ZSCAN20: variants seen among roughly 807,000 people sequenced by gnomAD.
ZSCAN20 encodes zinc finger and SCAN domain containing 20.
ZSCAN20 carries 39 observed loss-of-function variants against 97.1 expected under a neutral mutation model. The ratio of observed to expected loss-of-function variants is 0.40; its 90% CI spans 0.31 to 0.52. ZSCAN20 has a LOEUF of 0.52. Among genes scored for constraint, ZSCAN20 ranks in the 20% least tolerant of loss-of-function variants. The pLI is 0.49. For missense variants in ZSCAN20, 1,115 were observed against 1,290.4 expected (o/e 0.86, Z 2.08); for synonymous variants, 456 against 467.3 (o/e 0.98, Z 0.31).
rs766608700 is a variant in ZSCAN20 at position 33,488,703 on chromosome 1, A to T, written c.604+52A>T. ...ATGAGGCCTTCTGCAGGGGAGAGGG[A>T]TGGGAGGTGAGGAAGGGTGCATGGG... On this transcript the variant is annotated intron_variant, in intron 3 of 7. Coordinates refer to ENST00000684572, the MANE Select transcript of ZSCAN20 (RefSeq NM_001377376.1). The T allele has an allele frequency of 1.3e-5, 20 of 1,568,212 alleles. No homozygotes were observed. In the South Asian group the frequency reaches 2.0e-4, roughly 16 times the overall value.
intron 1 of ZSCAN20, among the ~76,000 whole-genome samples, chr1:33,474,296 G>T (rs926131387): frequency 1.3e-5 from 2 of 152,224 alleles, no homozygotes; most frequent in Non-Finnish European, 2.9e-5. Flanking sequence ...AGGTCAGACT[G>T]CTTTAAGCCA....
Position 33,498,507 on chromosome 1 carries a change from G to A in ZSCAN20, c.*3031G>A, listed in dbSNP as rs1652952057. On this transcript the variant is annotated 3_prime_UTR_variant, in exon 8 of 8. Coordinates refer to ENST00000684572, the MANE Select transcript of ZSCAN20 (RefSeq NM_001377376.1). ...TTCCAGGCTTGCTGTCTACCCAAGAGCTTGCTGGGCACCCAGGCGCCCTCC... is the reference window on the plus strand; with the variant it reads ...TTCCAGGCTTGCTGTCTACCCAAGAACTTGCTGGGCACCCAGGCGCCCTCC... 6.6e-6 allele frequency among the ~76,000 whole-genome samples: 1 copy of A among 152,204 alleles called. No homozygotes were observed. The highest frequency in any genetic ancestry group is 2.1e-4 in the South Asian group (1 of 4,832).
chr1:33,489,204 T>G lies in ZSCAN20; in HGVS notation c.681+13T>G. 1.9e-6 allele frequency: 3 copies of G among 1,612,354 alleles called. No individual in the cohort carries two copies. The South Asian group carries it at 3.3e-5, about 18-fold the overall frequency. ...AGCTGAGTCCCAGGTAAGCTGTTAC[T>G]CGTTCTTCCTTTCCTGTCATTGCTG... On this transcript the variant is annotated intron_variant, in intron 4 of 7. Coordinates refer to ENST00000684572, the MANE Select transcript of ZSCAN20 (RefSeq NM_001377376.1).
intron 1 of ZSCAN20, among the ~76,000 whole-genome samples, chr1:33,472,976 A>G (rs1651782993): frequency 6.6e-6 from 1 of 151,984 alleles, no homozygotes; most frequent in East Asian, 1.9e-4. Flanking sequence ...GGAGAGTCAT[A>G]GAAAGGTCTG....
chr1:33,486,761 AT>A (rs773505156), intron 2 of ZSCAN20, among the ~76,000 whole-genome samples: 7 of 151,842 alleles, frequency 4.6e-5, no homozygotes, highest in African/African-American at 7.2e-5. Flanking sequence ...AACAAAGTGA[AT>A]TTTTTTTTAA....
chr1:33,492,025 A>G (rs933572375), intron 6 of ZSCAN20: 6 of 214,520 alleles, frequency 2.8e-5, no homozygotes, highest in Non-Finnish European at 3.7e-5. Flanking sequence ...TCTTGTATTT[A>G]TATATTTCTC....
Position 33,500,326 on chromosome 1 carries a change from A to G in ZSCAN20, c.*4850A>G, listed in dbSNP as rs1245752290. Among the ~76,000 whole-genome samples, 1 of 151,852 alleles carries G rather than the reference A, an allele frequency of 6.6e-6. No homozygotes were observed. Among genetic ancestry groups the G allele is most frequent in the Non-Finnish European group, 1.5e-5 (1 of 68,008 alleles). On this transcript the variant is annotated 3_prime_UTR_variant, in exon 8 of 8. Transcript: ENST00000684572. ...ATCTCTCACCTAGTCTCTGTTAGGA[A>G]CCCTACAGGAGCCTGCACCCCAGTA...
Position 33,479,487 on chromosome 1 carries a change from G to A in ZSCAN20, c.199G>A (p.Glu67Lys), listed in dbSNP as rs1652058624. 6.2e-7 allele frequency: 1 copy of A among 1,613,494 alleles called. No homozygotes were observed. Among genetic ancestry groups the A allele is most frequent in the Non-Finnish European group, 8.5e-7 (1 of 1,179,508 alleles). The change falls in exon 2 of 8, where the codon GAG (glutamate) becomes AAG (lysine). Residue 67 changes from glutamate (E) to lysine (K), a missense_variant. By Grantham distance (56) the Glu-to-Lys change is moderately conservative. Coordinates refer to ENST00000684572, the MANE Select transcript of ZSCAN20 (RefSeq NM_001377376.1). ...FQYRDAAGPH[E>K]AFSQLWALCC... is the part of the protein sequence containing the mutation. ...ATACAGGGATGCAGCTGGACCCCAC[G>A]AGGCCTTCAGCCAGCTCTGGGCTCT...
At chr1:33,484,909 C>A (rs1354359851) in intron 2 of ZSCAN20, among the ~76,000 whole-genome samples, 1 of 152,104 alleles carries the variant, frequency 6.6e-6, no homozygotes. Context: ...TCTGAGCCAC[C>A]ACACCCAGCT....
chr1:33,475,633 T>C (rs973078866), intron 1 of ZSCAN20, among the ~76,000 whole-genome samples: 1 of 152,122 alleles, frequency 6.6e-6, no homozygotes, highest in Non-Finnish European at 1.5e-5. Flanking sequence ...CTGCACTATT[T>C]AAATCATGCT....
In ZSCAN20 at chr1:33,479,621, G is replaced by A. The variant is rs916586009; in HGVS notation, c.333G>A (p.Val111=). The A allele has an allele frequency of 6.2e-7, 1 of 1,612,558 alleles. No individual in the cohort carries two copies. The highest frequency in any genetic ancestry group is 8.5e-7 in the Non-Finnish European group (1 of 1,179,318). ...TGCCTAGGGAGGTCCAGACCTGGGT[G>A]CAGGCACGCCACCCTGAGAGTGGTG... ...TILPREVQTW[V]QARHPESGEE... Residue 111 remains valine, a synonymous_variant, in exon 2 of 8, where the codon GTG becomes GTA. Coordinates refer to ENST00000684572, the MANE Select transcript of ZSCAN20 (RefSeq NM_001377376.1).
rs1387171213 is a variant in ZSCAN20, at chr1:33,499,662, A to G, written c.*4186A>G. Among the ~76,000 whole-genome samples the G allele has an allele frequency of 6.6e-6, 1 of 152,102 alleles. No homozygotes were observed. The highest frequency in any genetic ancestry group is 1.5e-5 in the Non-Finnish European group (1 of 68,022). On this transcript the variant is annotated 3_prime_UTR_variant, in exon 8 of 8. Transcript: ENST00000684572. ...CTGCCAATACTTTCTCCCTTCTAAG[A>G]GCATTTCCAGTTGGGCTGGAGTTAC...
intron 2 of ZSCAN20, among the ~76,000 whole-genome samples, chr1:33,479,949 A>G (rs1652083763): frequency 6.6e-6 from 1 of 152,142 alleles, no homozygotes; most frequent in African/African-American, 2.4e-5. Flanking sequence ...GAAAACAGAG[A>G]CAGAGAAAAG....
In ZSCAN20 at chr1:33,498,066, T is replaced by C. The variant is rs1299365802; in HGVS notation, c.*2590T>C. On this transcript the variant is annotated 3_prime_UTR_variant, in exon 8 of 8. Transcript: ENST00000684572. Reference sequence around the variant, plus strand: ...GACAGAGCTACTTGATAGTGCTGAATGGAGAGGAAGATGGCCCTCAAAGGA... The same window carrying C: ...GACAGAGCTACTTGATAGTGCTGAACGGAGAGGAAGATGGCCCTCAAAGGA... Among the ~76,000 whole-genome samples the C allele has an allele frequency of 6.6e-6, 1 of 152,164 alleles. No homozygotes were observed. The highest frequency in any genetic ancestry group is 1.5e-5 in the Non-Finnish European group (1 of 68,022).
At chr1:33,486,197 T>C (rs1652359180) in intron 2 of ZSCAN20, among the ~76,000 whole-genome samples, 1 of 152,240 alleles carries the variant, frequency 6.6e-6, no homozygotes, top group Non-Finnish European at 1.5e-5. Context: ...TTCTCTGATA[T>C]TCACTGTGAG....
rs1652874551 is a variant in ZSCAN20 at position 33,496,673 on chromosome 1, C to A, written c.*1197C>A. On this transcript the variant is annotated 3_prime_UTR_variant, in exon 8 of 8. Transcript: ENST00000684572. ...GGTCCCTACATTTTTGTCTGTCTGG[C>A]TTTTCCTTTTGGCAAGCAGAAGCTT... 6.6e-6 allele frequency among the ~76,000 whole-genome samples: 1 copy of A among 152,166 alleles called. No homozygotes were observed. The highest frequency in any genetic ancestry group is 2.4e-5 in the African/African-American group (1 of 41,428).
chr1:33,494,218 G>A lies in ZSCAN20; in HGVS notation c.1874G>A (p.Gly625Asp). 6.4e-7 allele frequency: 1 copy of A among 1,552,722 alleles called. No individual in the cohort carries two copies. Among genetic ancestry groups the A allele is most frequent in the South Asian group, 1.2e-5 (1 of 81,210 alleles). ...ACTGCATTTCTGTCCATTTTTTCAGGTTTTGAAATGAGGCATGAGGATGAA... is the reference window on the plus strand; with the variant it reads ...ACTGCATTTCTGTCCATTTTTTCAGATTTTGAAATGAGGCATGAGGATGAA... The part of the protein sequence containing the change: ...STLCPKAPDM[G>D]FEMRHEDEDQ... The change falls in exon 8 of 8, where the codon GGT becomes GAT. Residue 625 changes from glycine to aspartate, a missense_variant and splice_region_variant. Physicochemically the swap from Gly to Asp is moderately conservative, Grantham distance 94. Around this residue, in one of 3 missense-constraint regions of ZSCAN20, gnomAD observed 554 missense variants for 584.9 expected, o/e 0.95. Transcript: ENST00000684572.
At chr1:33,481,712 T>C (rs1025892033) in intron 2 of ZSCAN20, among the ~76,000 whole-genome samples, 1 of 152,224 alleles carries the variant, frequency 6.6e-6, no homozygotes, top group Non-Finnish European at 1.5e-5. Flanking sequence ...TGAAAAAGGT[T>C]GGTGCCTACA....
Position 33,493,220 on chromosome 1 carries a change from C to A in ZSCAN20, c.1478C>A (p.Ala493Asp). The A allele has an allele frequency of 6.2e-7, 1 of 1,614,160 alleles. No homozygotes were observed. The highest frequency in any genetic ancestry group is 8.5e-7 in the Non-Finnish European group (1 of 1,180,020). ...GVHWGYEETK[A>D]FLAILSESPF... Reference sequence around the variant, plus strand: ...CACTGGGGCTATGAGGAGACCAAGGCCTTCCTGGCAATTCTCAGTGAGTCC... The same window carrying A: ...CACTGGGGCTATGAGGAGACCAAGGACTTCCTGGCAATTCTCAGTGAGTCC... The change falls in exon 7 of 8, where the codon GCC (alanine) becomes GAC (aspartate). Residue 493 changes from alanine to aspartate, a missense_variant. Ala to Asp is a moderately radical substitution (Grantham distance 126). This residue lies in a region of ZSCAN20 where 53 missense variants were observed against 94.3 expected (regional missense o/e 0.56). Coordinates refer to ENST00000684572, the MANE Select transcript of ZSCAN20 (RefSeq NM_001377376.1). This position sits in a 1 kb window ranked among gnomAD's most constrained non-coding sequence, Gnocchi z 4.3.
Sources: allele counts gnomAD v4.1 joint callset (sites outside exome capture counted in the v4.1 genomes callset), GRCh38; gene constraint gnomAD v4.1.1; regional missense constraint gnomAD v4.1.1; non-coding constraint Gnocchi (gnomAD v3.1); transcripts MANE v1.5; gene names NCBI Gene and HGNC (gene_info 2026-07-23, HGNC 2026-07-21).